The following SRL variants were observed in gnomAD, a reference collection of about 807,000 sequenced individuals.
SRL encodes sarcalumenin.
A neutral mutation model predicts 39.5 loss-of-function variants in SRL; 23 were observed. The observed-to-expected ratio is 0.58, with a 90% confidence interval of 0.42 to 0.82. The LOEUF is 0.82. SRL is among the 40% of genes least tolerant of loss of function. The probability of loss-of-function intolerance (pLI) is 0.00; values close to 1 mark genes in which losing one functional copy is unlikely to be tolerated. For missense variants in SRL, 592 were observed against 607.8 expected, an observed-to-expected ratio of 0.97 and a Z score of 0.27; for synonymous variants, 272 against 237.4, an observed-to-expected ratio of 1.15 and a Z score of -1.34.
chr16:4,216,982 A>G (rs2052468279), intron 1 of SRL, among the ~76,000 whole-genome samples: 1 of 152,192 alleles, frequency 6.6e-6, no homozygotes, highest in South Asian at 2.1e-4. Flanking sequence ...TCTAACAGCT[A>G]TCCTGGGTTA....
intron 1 of SRL, among the ~76,000 whole-genome samples, chr16:4,225,863 C>T (rs2052582228): frequency 6.6e-6 from 1 of 152,070 alleles, no homozygotes; most frequent in Non-Finnish European, 1.5e-5. Flanking sequence ...AAGAGGCCAA[C>T]ATCCTACGGT....
In SRL at chr16:4,195,265, C is replaced by T. The variant is rs530747878; in HGVS notation, c.610+288G>A. 2.6e-5 allele frequency among the ~76,000 whole-genome samples: 4 copies of T among 152,258 alleles called. No individual in the cohort carries two copies. In the South Asian group the frequency reaches 6.2e-4, roughly 24 times the overall value. On this transcript the variant is annotated intron_variant, in intron 5 of 5. Coordinates refer to ENST00000399609, the MANE Select transcript of SRL (RefSeq NM_001098814.2). ...AGGCTGGAGTAGAGTGGCACGATTACGGCTCATTGCAGCCTCAACTTCCTC... is the reference window on the plus strand; with the variant it reads ...AGGCTGGAGTAGAGTGGCACGATTATGGCTCATTGCAGCCTCAACTTCCTC...
rs1417556966 is a variant in SRL, at chr16:4,209,187, T to A, written c.62-4553A>T. On this transcript the variant is annotated intron_variant, in intron 1 of 5. Coordinates refer to ENST00000399609, the MANE Select transcript of SRL (RefSeq NM_001098814.2). ...TACTCAGGAGGCTGAGGCTGGAGAA[T>A]GACTTGAACCGGGAGGTGGAGGTTG... 2.0e-5 allele frequency among the ~76,000 whole-genome samples: 3 copies of A among 151,420 alleles called. No individual in the cohort carries two copies. The East Asian group carries it at 5.8e-4, about 29-fold the overall frequency.
chr16:4,216,487 G>T (rs973465874), intron 1 of SRL, among the ~76,000 whole-genome samples: 2 of 152,100 alleles, frequency 1.3e-5, no homozygotes, highest in African/African-American at 4.8e-5. Context: ...TGCCAGGCTG[G>T]TCTCAAACTC....
At chr16:4,204,474 G>A in intron 2 of SRL, 59 bp downstream of exon 2, 2 of 1,511,934 alleles carry the variant, frequency 1.3e-6, no homozygotes, top group Non-Finnish European at 1.8e-6. Flanking sequence ...CCAGGAGTCT[G>A]CCCGGGCCCT....
chr16:4,219,609 C>G (rs903257502), intron 1 of SRL, among the ~76,000 whole-genome samples: 1 of 152,146 alleles, frequency 6.6e-6, no homozygotes, highest in African/African-American at 2.4e-5. Context: ...AGGTGCATGC[C>G]ACCATGCCTA....
At chr16:4,203,013 G>A (rs2052257761) in intron 3 of SRL, among the ~76,000 whole-genome samples, 153 bp downstream of exon 3, 2 of 152,318 alleles carry the variant, frequency 1.3e-5, no homozygotes, top group South Asian at 4.1e-4. Flanking sequence ...GGGGAGCCCA[G>A]ACCCAGACCC....
Position 4,192,259 on chromosome 16 carries a change from A to G in SRL, c.1316T>C (p.Leu439Pro). 6.2e-7 allele frequency: 1 copy of G among 1,613,954 alleles called. No individual in the cohort carries two copies. The highest frequency in any genetic ancestry group is 8.5e-7 in the Non-Finnish European group (1 of 1,179,930). The change falls in exon 6 of 6, where the codon CTT becomes CCT. Residue 439 changes from leucine to proline, a missense_variant. Leu to Pro is a moderately conservative substitution (Grantham distance 98). Transcript: ENST00000399609. This position sits in a 1 kb window ranked among gnomAD's most constrained non-coding sequence, Gnocchi z 4.0. Reference protein sequence around the residue: ...EKIERAITQELPGLLGSLGLG... With the variant: ...EKIERAITQEPPGLLGSLGLG... The stretch of plus-strand genomic sequence containing the variant: ...CCCGAGGCTACCCAGGAGGCCCGGA[A>G]GCTCCTGAGTGATGGCCCGCTCAAT...
chr16:4,234,982 T>G (rs1429526144), intron 1 of SRL, among the ~76,000 whole-genome samples: 1 of 152,168 alleles, frequency 6.6e-6, no homozygotes, highest in East Asian at 1.9e-4. Context: ...CAGACAGACT[T>G]GAGCAAAGTG....
intron 1 of SRL, among the ~76,000 whole-genome samples, chr16:4,224,633 C>G (rs1021617835): frequency 6.6e-5 from 10 of 152,108 alleles, no homozygotes; most frequent in African/African-American, 2.4e-4. Flanking sequence ...ATGGCTTGAG[C>G]CCAGGAGACG....
chr16:4,226,342 ACGAAT>A (rs1291097403), intron 1 of SRL, among the ~76,000 whole-genome samples: 45 of 152,160 alleles, frequency 3.0e-4, no homozygotes, highest in African/African-American at 1.1e-3. Context: ...GGATGAACAG[ACGAAT>A]GGATGGATGG....
rs186595259 is a variant in SRL at position 4,217,333 on chromosome 16, G to A, written c.62-12699C>T. On this transcript the variant is annotated intron_variant, in intron 1 of 5. Transcript: ENST00000399609. ...CTGGACTGGAGTGCAGCAGTGTGAC[G>A]AAAGCTCACTGCAGCCTTCCTACTT... 8.8e-3 allele frequency among the ~76,000 whole-genome samples: 1,337 copies of A among 152,264 alleles called. 9 individuals carry two copies. The highest frequency in any genetic ancestry group is 0.014 in the Non-Finnish European group (923 of 68,004).
At chr16:4,218,756 C>T (rs1198835223) in intron 1 of SRL, among the ~76,000 whole-genome samples, 1 of 152,250 alleles carries the variant, frequency 6.6e-6, no homozygotes, top group Non-Finnish European at 1.5e-5. Context: ...GAGGTGTCCT[C>T]AGCCATCTCT....
At chr16:4,212,826 G>C (rs1175092768) in intron 1 of SRL, among the ~76,000 whole-genome samples, 1 of 151,896 alleles carries the variant, frequency 6.6e-6, no homozygotes, top group East Asian at 1.9e-4. Context: ...CTTTCCAGCA[G>C]GTCCCACCAG....
intron 1 of SRL, among the ~76,000 whole-genome samples, chr16:4,240,715 C>T (rs924443010): frequency 1.3e-5 from 2 of 152,136 alleles, no homozygotes; most frequent in African/African-American, 2.4e-5. Context: ...TCCTGGGGCC[C>T]AGTGTGTAGC....
intron 1 of SRL, among the ~76,000 whole-genome samples, chr16:4,210,847 C>T (rs1431287273): frequency 6.6e-6 from 1 of 152,144 alleles, no homozygotes; most frequent in African/African-American, 2.4e-5. Flanking sequence ...TGTTGAATGT[C>T]ACACAGCTAA....
At chr16:4,237,033 C>T (rs1283790332) in intron 1 of SRL, among the ~76,000 whole-genome samples, 1 of 151,912 alleles carries the variant, frequency 6.6e-6, no homozygotes, top group African/African-American at 2.4e-5. Flanking sequence ...CCTCAGCCTA[C>T]CAAGCTCAAG....
At chr16:4,234,019 G>A (rs1388906634) in intron 1 of SRL, among the ~76,000 whole-genome samples, 1 of 151,866 alleles carries the variant, frequency 6.6e-6, no homozygotes, top group African/African-American at 2.4e-5. Context: ...TTTAAATATG[G>A]GGTCTCGCTC....
At chr16:4,225,747 T>C (rs2052580908) in intron 1 of SRL, among the ~76,000 whole-genome samples, 1 of 152,146 alleles carries the variant, frequency 6.6e-6, no homozygotes, top group Admixed American at 6.5e-5. Flanking sequence ...TTTCCCGAGC[T>C]GCCTGCTTCT....
Sources: gnomAD v4.1 joint callset for allele counts (sites outside exome capture counted in the v4.1 genomes callset) on GRCh38, gnomAD v4.1.1 for gene constraint, Gnocchi (gnomAD v3.1) non-coding constraint, MANE v1.5 for transcripts, NCBI Gene and HGNC (gene_info 2026-07-23, HGNC 2026-07-21) for gene names.